The following ATP23 variants were observed in gnomAD, a reference collection of about 807,000 sequenced individuals.
ATP23 encodes ATP23 metallopeptidase and ATP synthase assembly factor homolog.
Under a neutral mutation model 28.5 loss-of-function variants are expected in ATP23, and 24 were observed. The ratio of observed to expected loss-of-function variants is 0.84; its 90% CI spans 0.61 to 1.18. The LOEUF (loss-of-function observed/expected upper bound fraction) is 1.18, where lower values mean the gene tolerates loss of function less well. Among genes scored for constraint, ATP23 ranks in the 50% most tolerant of loss-of-function variants. The probability of loss-of-function intolerance (pLI) is 0.00; values close to 1 mark genes in which losing one functional copy is unlikely to be tolerated. For missense variants in ATP23, 274 were observed against 306.4 expected (o/e 0.89, Z 0.79); for synonymous variants, 99 against 108.6 (o/e 0.91, Z 0.55).
In ATP23 at chr12:57,953,755, T is replaced by C. The variant is rs1956838128; in HGVS notation, c.537+66T>C. On this transcript the variant is annotated intron_variant, in intron 5 of 5. Transcript: ENST00000300145. Reference sequence around the variant, plus strand: ...CGAGTGGAAATAATGAATAAAGAAATGAAAAGTACATTCAGTATTTGAAAT... The same window carrying C: ...CGAGTGGAAATAATGAATAAAGAAACGAAAAGTACATTCAGTATTTGAAAT... 4.4e-6 allele frequency: 6 copies of C among 1,362,114 alleles called. No homozygotes were observed. The Admixed American group carries it at 1.1e-4, about 24-fold the overall frequency. The allele number at this position is 1,362,114 out of a possible 1,614,324, so 84.4% of individuals were successfully genotyped here. A position where few individuals can be genotyped will look rare whatever the true frequency, so the allele number is the denominator to read the frequency against.
chr12:57,943,876 G>A (rs1956732772), intron 1 of ATP23, among the ~76,000 whole-genome samples: 1 of 152,088 alleles, frequency 6.6e-6, no homozygotes. Flanking sequence ...CCAAGGGCAG[G>A]GTGGCTGGGA....
At chr12:57,947,880 C>T (rs963787549) in intron 3 of ATP23, among the ~76,000 whole-genome samples, 11 of 152,124 alleles carry the variant, frequency 7.2e-5, no homozygotes, top group African/African-American at 2.4e-4. Flanking sequence ...TAACTGTTTC[C>T]CACTTGAATG....
rs945170337 is a variant in ATP23 at position 57,958,643 on chromosome 12, C to T, written c.*1753C>T. Among the ~76,000 whole-genome samples the T allele has an allele frequency of 1.3e-5, 2 of 152,194 alleles. No homozygotes were observed. The highest frequency in any genetic ancestry group is 3.9e-4 in the East Asian group (2 of 5,192). On this transcript the variant is annotated 3_prime_UTR_variant, in exon 6 of 6. Transcript: ENST00000300145. ...AGACCCAGAAGAGAGACAACAATCA[C>T]AGCAGTTTGGCTTACAGGAAGCCAC...
At position 57,941,723 on chromosome 12, in the gene ATP23, C is replaced by T; in HGVS notation, c.22C>T (p.Arg8Cys). The T allele has an allele frequency of 2.5e-6, 4 of 1,600,302 alleles. No homozygotes were observed. The highest frequency in any genetic ancestry group is 3.4e-6 in the Non-Finnish European group (4 of 1,174,570). Residue 8 changes from arginine to cysteine, a missense_variant, in exon 1 of 6, where the codon CGC becomes TGC. By Grantham distance (180) the Arg-to-Cys change is radical. Transcript: ENST00000300145. The part of the protein sequence containing the change: MAGAPDE[R>C]RRGPAAGEQL... ...AGGCATGGCGGGAGCTCCGGACGAG[C>T]GCCGGCGGGGCCCCGCGGCAGGGGA...
Position 57,953,379 on chromosome 12 carries a change from C to G in ATP23, c.454-227C>G, listed in dbSNP as rs117564332. Among the ~76,000 whole-genome samples the G allele has an allele frequency of 5.0e-3, 766 of 152,260 alleles. 8 individuals carry two copies. Among genetic ancestry groups the G allele is most frequent in the Non-Finnish European group, 8.5e-3 (578 of 68,010 alleles). ...TCCTTTGGTAGGCGATTGAACTTTT[C>G]CCCATCTCTCCAGTGTATTTGGCAT... is the stretch of plus-strand genomic sequence containing the variant. On this transcript the variant is annotated intron_variant, in intron 4 of 5. Transcript: ENST00000300145.
intron 1 of ATP23, among the ~76,000 whole-genome samples, chr12:57,943,555 C>T (rs921891446): frequency 2.0e-5 from 3 of 152,040 alleles, no homozygotes; most frequent in African/African-American, 7.2e-5. Context: ...GTGGCTCATG[C>T]CTGCAGTCCC....
Position 57,956,928 on chromosome 12 carries a change from C to G in ATP23, c.*38C>G. Reference sequence around the variant, plus strand: ...TTTTATATTACAGAGCTTCCATCATCATGAAGAAAAAAAAATTTGGTTCTC... The same window carrying G: ...TTTTATATTACAGAGCTTCCATCATGATGAAGAAAAAAAAATTTGGTTCTC... On this transcript the variant is annotated 3_prime_UTR_variant, in exon 6 of 6. Transcript: ENST00000300145. 6.5e-7 allele frequency: 1 copy of G among 1,526,794 alleles called. No individual in the cohort carries two copies. The highest frequency in any genetic ancestry group is 1.3e-5 in the South Asian group (1 of 77,468). The allele number at this position is 1,526,794 out of a possible 1,614,324, so 94.6% of individuals were successfully genotyped here.
At chr12:57,947,691 A>T (rs1456984582) in intron 3 of ATP23, among the ~76,000 whole-genome samples, 1 of 152,204 alleles carries the variant, frequency 6.6e-6, no homozygotes. Context: ...TATCTATTTT[A>T]TGGAATGATT....
intron 3 of ATP23, among the ~76,000 whole-genome samples, chr12:57,949,278 C>T (rs1205205536): frequency 6.6e-6 from 1 of 152,122 alleles, no homozygotes; most frequent in Non-Finnish European, 1.5e-5. Flanking sequence ...TCTGGTTGCT[C>T]CTTTGCTAGC....
chr12:57,945,539 T>C (rs756390295), intron 1 of ATP23, 89 bp from the exon 2 acceptor site: 1 of 1,159,964 alleles, frequency 8.6e-7, no homozygotes, highest in Non-Finnish European at 1.3e-6. Flanking sequence ...GCCTGTGAGT[T>C]ACTTTTTGAT....
chr12:57,941,585 T>C lies in ATP23; in HGVS notation c.-117T>C. The stretch of plus-strand genomic sequence containing the variant: ...CGTCTTCAGCCCAGCCAGGCTGCCC[T>C]TCTTCCCTGCGGAGGGAGGGCCTGG... On this transcript the variant is annotated 5_prime_UTR_variant, in exon 1 of 6. Transcript: ENST00000300145. 7.2e-7 allele frequency: 1 copy of C among 1,392,080 alleles called. No individual in the cohort carries two copies. Among genetic ancestry groups the C allele is most frequent in the Middle Eastern group, 2.6e-4 (1 of 3,836 alleles). 86.2% of individuals were successfully genotyped at this position (1,392,080 alleles called of 1,614,324 possible).
Position 57,941,669 on chromosome 12 carries a change from C to G in ATP23, c.-33C>G. On this transcript the variant is annotated 5_prime_UTR_variant, in exon 1 of 6. Coordinates refer to ENST00000300145, the MANE Select transcript of ATP23 (RefSeq NM_033276.4). Reference sequence around the variant, plus strand: ...CCAGTCTCGCTCTGGCCGCCTGAGCCAGGAGGAAGCAGCGGCGAGGTCTGC... The same window carrying G: ...CCAGTCTCGCTCTGGCCGCCTGAGCGAGGAGGAAGCAGCGGCGAGGTCTGC... 6.3e-7 allele frequency: 1 copy of G among 1,595,030 alleles called. No individual in the cohort carries two copies. The highest frequency in any genetic ancestry group is 8.5e-7 in the Non-Finnish European group (1 of 1,171,790).
intron 1 of ATP23, among the ~76,000 whole-genome samples, chr12:57,945,265 C>G (rs1393166959): frequency 1.3e-5 from 2 of 152,054 alleles, no homozygotes; most frequent in Non-Finnish European, 2.9e-5. Flanking sequence ...GACAGAGTCA[C>G]TCTATCGTCC....
At chr12:57,945,067 CG>C (rs2140528159) in intron 1 of ATP23, among the ~76,000 whole-genome samples, 1 of 152,246 alleles carries the variant, frequency 6.6e-6, no homozygotes, top group African/African-American at 2.4e-5. Flanking sequence ...CGTAATACAA[CG>C]TGTTTGATCA....
rs753539609 is a variant in ATP23 at position 57,956,677 on chromosome 12, T to A, written c.538-10T>A. 10 of 1,573,906 alleles carry A rather than the reference T, an allele frequency of 6.4e-6. No homozygotes were observed. The highest frequency in any genetic ancestry group is 2.7e-5 in the African/African-American group (2 of 73,290). ...TAAAATTAGAGCCTCATACTTTTCCTTCTTTTTAGACTTGTGTGCGAGACA... is the reference window on the plus strand; with the variant it reads ...TAAAATTAGAGCCTCATACTTTTCCATCTTTTTAGACTTGTGTGCGAGACA... On this transcript the variant is annotated splice_polypyrimidine_tract_variant and intron_variant, in intron 5 of 5. Coordinates refer to ENST00000300145, the MANE Select transcript of ATP23 (RefSeq NM_033276.4).
At chr12:57,956,095 T>C (rs1956863616) in intron 5 of ATP23, among the ~76,000 whole-genome samples, 1 of 152,186 alleles carries the variant, frequency 6.6e-6, no homozygotes, top group Non-Finnish European at 1.5e-5. Context: ...TAAATTATTA[T>C]CTTAGAACTT....
intron 3 of ATP23, among the ~76,000 whole-genome samples, chr12:57,949,483 T>C (rs1234324251): frequency 6.6e-6 from 1 of 152,102 alleles, no homozygotes; most frequent in African/African-American, 2.4e-5. Context: ...ATTTATTTAT[T>C]TTTATTTTTA....
rs984736923 is a variant in ATP23 at position 57,946,747 on chromosome 12, C to T, written c.234-248C>T. ...CTGGGATTACAGGCGTGAGCCACCGCGCCTGGGGGACAAATGTTTTATGGA... is the reference window on the plus strand; with the variant it reads ...CTGGGATTACAGGCGTGAGCCACCGTGCCTGGGGGACAAATGTTTTATGGA... On this transcript the variant is annotated intron_variant, in intron 2 of 5. Transcript: ENST00000300145. Among the ~76,000 whole-genome samples the T allele has an allele frequency of 3.9e-5, 6 of 152,026 alleles. No individual in the cohort carries two copies. In the East Asian group the frequency reaches 5.8e-4, roughly 15 times the overall value.
chr12:57,956,698 A>C lies in ATP23; in HGVS notation c.549A>C (p.Arg183=), dbSNP rs1442610702. ...GLKQHHQTCV[R]DRATLSILAV... is the part of the protein sequence containing the mutation. ...TTCCTTCTTTTTAGACTTGTGTGCG[A>C]GACAGAGCCACTCTTTCTATCCTGG... The change falls in exon 6 of 6, where the codon CGA becomes CGC. Residue 183 remains arginine (R), a synonymous_variant. Coordinates refer to ENST00000300145, the MANE Select transcript of ATP23 (RefSeq NM_033276.4). 6.2e-7 allele frequency: 1 copy of C among 1,612,554 alleles called. No individual in the cohort carries two copies. The highest frequency in any genetic ancestry group is 8.5e-7 in the Non-Finnish European group (1 of 1,179,352).
Sources: gnomAD v4.1 joint callset for allele counts (sites outside exome capture counted in the v4.1 genomes callset) on GRCh38, gnomAD v4.1.1 for gene constraint, MANE v1.5 for transcripts, NCBI Gene and HGNC (gene_info 2026-07-23, HGNC 2026-07-21) for gene names.